Variants in EML4 observed in about 807,000 individuals in gnomAD.
EML4 encodes the protein echinoderm microtubule-associated protein-like 4.
EML4 carries 72 observed loss-of-function variants against 129.0 expected under a neutral mutation model. That is an observed-to-expected ratio of 0.56 (90% CI 0.46 to 0.68). The LOEUF (loss-of-function observed/expected upper bound fraction) is 0.68, where lower values mean the gene tolerates loss of function less well. EML4 is among the 30% of genes least tolerant of loss of function. The probability of loss-of-function intolerance (pLI) is 0.00; values close to 1 mark genes in which losing one functional copy is unlikely to be tolerated. For missense variants in EML4, 1,363 were observed against 1,190.6 expected, an observed-to-expected ratio of 1.14 and a Z score of -2.13; for synonymous variants, 532 against 405.0, an observed-to-expected ratio of 1.31 and a Z score of -3.77.
At position 42,280,922 on chromosome 2, in the gene EML4, A is replaced by G. The variant is rs779460681; in HGVS notation, c.740A>G (p.Tyr247Cys). ...TMFIPSDVDN[Y>C]DDIRTELPPE... Reference sequence around the variant, plus strand: ...TTCATTCCTTCCGATGTTGACAACTATGATGACATCAGAACGGAACTGCCT... The same window carrying G: ...TTCATTCCTTCCGATGTTGACAACTGTGATGACATCAGAACGGAACTGCCT... The change falls in exon 7 of 23, where the codon TAT (tyrosine) becomes TGT (cysteine). Residue 247 changes from tyrosine to cysteine, a missense_variant. By Grantham distance (194) the Tyr-to-Cys change is radical. Transcript: ENST00000318522. The G allele has an allele frequency of 2.2e-5, 36 of 1,612,196 alleles. No individual in the cohort carries two copies. The Admixed American group carries it at 2.5e-4, about 11-fold the overall frequency.
intron 1 of EML4, among the ~76,000 whole-genome samples, chr2:42,192,026 C>G (rs376978042): frequency 6.6e-6 from 1 of 151,592 alleles, no homozygotes; most frequent in Non-Finnish European, 1.5e-5. Flanking sequence ...GTAATTCCAG[C>G]TACTCGGGAG....
intron 1 of EML4, among the ~76,000 whole-genome samples, chr2:42,230,286 T>C (rs1674248659): frequency 6.6e-6 from 1 of 152,208 alleles, no homozygotes. Flanking sequence ...TTTTACAATC[T>C]AGTTAGGAAT....
chr2:42,171,034 AACTGAGTGTTGTGTT>A (rs1390417022), intron 1 of EML4, among the ~76,000 whole-genome samples: 1 of 152,226 alleles, frequency 6.6e-6, no homozygotes, highest in Non-Finnish European at 1.5e-5. Context: ...AATAGGAGGC[AACTGAGTGTTGTGTT>A]ACTCTTTCCT....
intron 2 of EML4, among the ~76,000 whole-genome samples, chr2:42,246,371 T>C (rs1675402688): frequency 6.6e-6 from 1 of 152,066 alleles, no homozygotes; most frequent in Non-Finnish European, 1.5e-5. Context: ...ATTGGTAGAG[T>C]ATATGGGGAT....
chr2:42,326,804 C>T (rs551952271), intron 21 of EML4, among the ~76,000 whole-genome samples: 54 of 152,274 alleles, frequency 3.5e-4, no homozygotes, highest in Admixed American at 2.6e-3. Context: ...ACTGCTTGAA[C>T]CTGGGAGGCA....
chr2:42,265,053 A>G (rs77753465), intron 6 of EML4: 1 of 1,096,908 alleles, frequency 9.1e-7, no homozygotes, highest in Admixed American at 2.4e-5. Flanking sequence ...CTTCCTTAAA[A>G]AGGAAATACA....
rs147420967 is a variant in EML4, at chr2:42,276,844, A to C, written c.668-4006A>C. ...TTGCCAGAAATTGTTTGAAGTGCTT[A>C]GGTTATATACTTGATCTCCAACATA... On this transcript the variant is annotated intron_variant, in intron 6 of 22. Transcript: ENST00000318522. Among the ~76,000 whole-genome samples, 326 of 152,364 alleles carry C rather than the reference A, an allele frequency of 2.1e-3. 3 individuals are homozygous for C. The highest frequency in any genetic ancestry group is 7.5e-3 in the African/African-American group (310 of 41,594).
intron 2 of EML4, among the ~76,000 whole-genome samples, chr2:42,252,345 T>C (rs936980396): frequency 6.6e-6 from 1 of 152,208 alleles, no homozygotes; most frequent in African/African-American, 2.4e-5. Context: ...ATCCTGGCAT[T>C]ATGATGGTTT....
At chr2:42,193,720 A>G (rs958606889) in intron 1 of EML4, among the ~76,000 whole-genome samples, 2 of 148,662 alleles carry the variant, frequency 1.3e-5, no homozygotes, top group Non-Finnish European at 3.0e-5. Flanking sequence ...GGGTCTTGGT[A>G]TGTCACCTAG....
rs1437284905 is a variant in EML4 at position 42,286,001 on chromosome 2, G to T, written c.1012-268G>T. ...TGATAATTATAATAGTGTACCTGTA[G>T]TGCATAGGATTAAATGAATTAATAT... On this transcript the variant is annotated intron_variant, in intron 9 of 22. Coordinates refer to ENST00000318522, the MANE Select transcript of EML4 (RefSeq NM_019063.5). 5 of 482,308 alleles carry T rather than the reference G, an allele frequency of 1.0e-5. No individual in the cohort carries two copies. In the South Asian group the frequency reaches 1.4e-4, roughly 14 times the overall value. 29.9% of individuals were successfully genotyped at this position (482,308 alleles called of 1,614,324 possible). A position where few individuals can be genotyped will look rare whatever the true frequency, so the allele number is the denominator to read the frequency against.
At chr2:42,302,709 T>G (rs898766953) in intron 14 of EML4, among the ~76,000 whole-genome samples, 1 of 152,024 alleles carries the variant, frequency 6.6e-6, no homozygotes, top group East Asian at 1.9e-4. Flanking sequence ...GATTTTTATA[T>G]TTTTAGTAGA....
At chr2:42,280,359 T>TTA (rs1276092116) in intron 6 of EML4, among the ~76,000 whole-genome samples, 2 of 152,252 alleles carry the variant, frequency 1.3e-5, no homozygotes, top group Non-Finnish European at 2.9e-5. Context: ...AGACTAGGAC[T>TTA]TTATAGTATC....
chr2:42,215,303 T>A (rs1395372128), intron 1 of EML4, among the ~76,000 whole-genome samples: 1 of 152,164 alleles, frequency 6.6e-6, no homozygotes, highest in Non-Finnish European at 1.5e-5. Context: ...CAAGCCTGCC[T>A]CAGCCTCCCA....
At chr2:42,281,074 AAGTAACAGCTACTT>A in intron 7 of EML4, 101 bp downstream of exon 7, 1 of 969,688 alleles carries the variant, frequency 1.0e-6, no homozygotes, top group Non-Finnish European at 1.5e-6. Context: ...CAAAAAAAAA[AAGTAACAGCTACTT>A]AAAAAATTAA....
At chr2:42,178,021 A>C (rs1670707297) in intron 1 of EML4, among the ~76,000 whole-genome samples, 1 of 152,234 alleles carries the variant, frequency 6.6e-6, no homozygotes, top group African/African-American at 2.4e-5. Flanking sequence ...GTTGACATAC[A>C]TGAAAAGGTG....
At chr2:42,241,543 C>G (rs985612876) in intron 1 of EML4, among the ~76,000 whole-genome samples, 1 of 152,192 alleles carries the variant, frequency 6.6e-6, no homozygotes, top group East Asian at 1.9e-4. Context: ...ACTGCAACAG[C>G]CTCCTGTCTG....
At chr2:42,215,633 T>C (rs1000512416) in intron 1 of EML4, among the ~76,000 whole-genome samples, 10 of 152,206 alleles carry the variant, frequency 6.6e-5, no homozygotes, top group African/African-American at 2.2e-4. Flanking sequence ...TGGGTTACCA[T>C]ATATCTATCT....
intron 17 of EML4, among the ~76,000 whole-genome samples, chr2:42,311,300 C>T (rs901225146): frequency 6.6e-6 from 1 of 152,210 alleles, no homozygotes; most frequent in Non-Finnish European, 1.5e-5. Flanking sequence ...TGGTGCAGTG[C>T]TCACACCTGT....
At chr2:42,199,534 C>T (rs543327143) in intron 1 of EML4, among the ~76,000 whole-genome samples, 184 of 152,234 alleles carry the variant, frequency 1.2e-3, no homozygotes, top group Non-Finnish European at 1.9e-3. Context: ...GAAGACAGGA[C>T]AATGCTGTTA....
Sources: gnomAD v4.1 joint callset for allele counts (sites outside exome capture counted in the v4.1 genomes callset) on GRCh38, gnomAD v4.1.1 for gene constraint, MANE v1.5 for transcripts, NCBI Gene and HGNC (gene_info 2026-07-23, HGNC 2026-07-21) for gene names.